Variants in AXDND1 observed in about 807,000 individuals in gnomAD.
AXDND1 encodes axonemal dynein light chain domain containing 1.
A neutral mutation model predicts 137.5 loss-of-function variants in AXDND1; 110 were observed. That is an observed-to-expected ratio of 0.80 (90% CI 0.69 to 0.94). The LOEUF (loss-of-function observed/expected upper bound fraction) is 0.94. Ranked by LOEUF, AXDND1 falls within the 40% of genes least tolerant of loss-of-function variation. AXDND1 has a pLI of 0.00. For missense variants in AXDND1, 1,191 were observed against 1,169.8 expected (o/e 1.02, Z -0.26); for synonymous variants, 414 against 399.7 (o/e 1.04, Z -0.43).
At chr1:179,440,976 C>T (rs1658897638) in intron 15 of AXDND1, among the ~76,000 whole-genome samples, 2 of 152,144 alleles carry the variant, frequency 1.3e-5, no homozygotes, top group African/African-American at 4.8e-5. Flanking sequence ...TTTTGGTCCA[C>T]AGATAGTGGC....
intron 18 of AXDND1, among the ~76,000 whole-genome samples, chr1:179,490,079 A>G (rs1014573470): frequency 1.3e-5 from 2 of 152,154 alleles, no homozygotes; most frequent in African/African-American, 2.4e-5. Flanking sequence ...CATTCATTCA[A>G]GAAACATTTA....
chr1:179,460,050 A>G (rs1662088427), intron 16 of AXDND1, among the ~76,000 whole-genome samples: 1 of 88,482 alleles, frequency 1.1e-5, no homozygotes, highest in Admixed American at 1.3e-4. Context: ...TTTCTTTATT[A>G]TTATTCTTAT....
chr1:179,527,308 T>G (rs2125690913), intron 22 of AXDND1, among the ~76,000 whole-genome samples: 1 of 152,266 alleles, frequency 6.6e-6, no homozygotes, highest in South Asian at 2.1e-4. Context: ...GTGGTTTTGG[T>G]GGGTTTTGAC....
In AXDND1 at chr1:179,492,841, C is replaced by T. The variant is rs745696689; in HGVS notation, c.2292-14C>T. 1.6e-5 allele frequency: 25 copies of T among 1,552,622 alleles called. No individual in the cohort carries two copies. The highest frequency in any genetic ancestry group is 2.1e-5 in the Non-Finnish European group (24 of 1,142,360). ...TTGCTCTTTTTCTTTTTCTTTTTTTCCCCCTTTTTGCAGTTGTTGCAAAGG... is the reference window on the plus strand; with the variant it reads ...TTGCTCTTTTTCTTTTTCTTTTTTTTCCCCTTTTTGCAGTTGTTGCAAAGG... On this transcript the variant is annotated splice_polypyrimidine_tract_variant and intron_variant, in intron 19 of 25. Coordinates refer to ENST00000367618, the MANE Select transcript of AXDND1 (RefSeq NM_144696.6).
In AXDND1 at chr1:179,509,411, C is replaced by T. The variant is rs373311244; in HGVS notation, c.2496+8C>T. 5 of 1,536,906 alleles carry T rather than the reference C, an allele frequency of 3.3e-6. No individual in the cohort carries two copies. In the Middle Eastern group the frequency reaches 6.7e-4, roughly 207 times the overall value. On this transcript the variant is annotated splice_region_variant and intron_variant, in intron 21 of 25. Transcript: ENST00000367618. ...GAGCGGCTACTTGAAGAGGTATTTG[C>T]CACATGTTAGCGTTGGTCATTATTC...
At chr1:179,408,409 A>G (rs12406974) in intron 11 of AXDND1, among the ~76,000 whole-genome samples, 44,480 of 150,820 alleles carry the variant, frequency 0.29, 6,747 homozygotes, top group Non-Finnish European at 0.31. Context: ...ACAAAATCTC[A>G]CTCTGTTGCC....
chr1:179,375,099 A>T (rs10753194), intron 4 of AXDND1, among the ~76,000 whole-genome samples: 115,300 of 149,460 alleles, frequency 0.77, 44,055 homozygotes, highest in Admixed American at 0.82. Flanking sequence ...CTTTATTAAT[A>T]AAAAAAAAAT....
intron 25 of AXDND1, chr1:179,544,729 T>C (rs1271584519): frequency 6.6e-6 from 1 of 151,716 alleles, no homozygotes; most frequent in African/African-American, 2.4e-5. Context: ...ATCTTGACGA[T>C]GCTGTTAGGT....
chr1:179,474,041 T>A (rs972204789), intron 17 of AXDND1, among the ~76,000 whole-genome samples: 1 of 152,028 alleles, frequency 6.6e-6, no homozygotes, highest in Admixed American at 6.6e-5. Flanking sequence ...CTGGCCAACA[T>A]GGTGAAACCC....
At chr1:179,534,464 G>A in intron 24 of AXDND1, 1 of 298,230 alleles carries the variant, frequency 3.4e-6, no homozygotes, top group Non-Finnish European at 6.0e-6. Context: ...GGCCATTGAT[G>A]GAGAATTCCA....
rs1670437396 is a variant in AXDND1 at position 179,525,433 on chromosome 1, G to A, written c.2596G>A (p.Glu866Lys). The change falls in exon 22 of 26, where the codon GAG becomes AAG. Residue 866 changes from glutamate (E) to lysine (K), a missense_variant. Physicochemically the swap from Glu to Lys is moderately conservative, Grantham distance 56. Transcript: ENST00000367618. ...EDRKLQEENK[E>K]RAEEQPSTST... ...TAGGAAACTTCAGGAGGAAAATAAA[G>A]AGAGAGCAGAAGAAGTAAGATTATT... 1 of 1,609,574 alleles carries A rather than the reference G, an allele frequency of 6.2e-7. No individual in the cohort carries two copies. Among genetic ancestry groups the A allele is most frequent in the African/African-American group, 1.3e-5 (1 of 74,740 alleles).
intron 18 of AXDND1, among the ~76,000 whole-genome samples, chr1:179,485,863 A>T (rs1341654468): frequency 6.6e-6 from 1 of 152,108 alleles, no homozygotes; most frequent in Admixed American, 6.6e-5. Flanking sequence ...TATGCCTGTA[A>T]TCCCAGCACT....
intron 17 of AXDND1, among the ~76,000 whole-genome samples, chr1:179,474,577 T>C (rs1664373018): frequency 6.6e-6 from 1 of 152,140 alleles, no homozygotes; most frequent in African/African-American, 2.4e-5. Context: ...AAGAGACTGG[T>C]GGCATTTTGA....
chr1:179,461,425 G>A (rs553475405), intron 16 of AXDND1, among the ~76,000 whole-genome samples: 12 of 151,560 alleles, frequency 7.9e-5, no homozygotes, highest in Non-Finnish European at 2.9e-5. Flanking sequence ...TGTTTTGATA[G>A]CAATACCATG....
chr1:179,426,862 G>A (rs1656643287), intron 12 of AXDND1, among the ~76,000 whole-genome samples: 1 of 152,036 alleles, frequency 6.6e-6, no homozygotes, highest in African/African-American at 2.4e-5. Flanking sequence ...ACTATCACAA[G>A]TATATAAATA....
intron 12 of AXDND1, among the ~76,000 whole-genome samples, chr1:179,425,066 A>G (rs887260678): frequency 3.3e-5 from 5 of 152,172 alleles, no homozygotes; most frequent in African/African-American, 1.2e-4. Context: ...TGGGGAGATC[A>G]TGGTTCCCTG....
chr1:179,417,517 A>G (rs538641661), intron 12 of AXDND1, among the ~76,000 whole-genome samples: 11 of 152,058 alleles, frequency 7.2e-5, no homozygotes, highest in Admixed American at 3.3e-4. Context: ...TTTTGATTTG[A>G]TTTTTGTATA....
chr1:179,446,669 A>G (rs1659774369), intron 16 of AXDND1, among the ~76,000 whole-genome samples: 1 of 152,182 alleles, frequency 6.6e-6, no homozygotes, highest in South Asian at 2.1e-4. Context: ...ACATACTCTA[A>G]TGATTCTTTG....
At chr1:179,459,778 CTTTA>C (rs1465207436) in intron 16 of AXDND1, among the ~76,000 whole-genome samples, 1 of 98,996 alleles carries the variant, frequency 1.0e-5, no homozygotes, top group Admixed American at 1.1e-4. Context: ...TTTTCTTTTT[CTTTA>C]TTTTCTTTCT....
Sources: allele counts gnomAD v4.1 joint callset (sites outside exome capture counted in the v4.1 genomes callset), GRCh38; gene constraint gnomAD v4.1.1; transcripts MANE v1.5; gene names NCBI Gene and HGNC (gene_info 2026-07-23, HGNC 2026-07-21).